CCNJL: variants seen among roughly 807,000 people sequenced by gnomAD.
The protein encoded by CCNJL is cyclin J like, also known as cyclin-J-like protein.
Under a neutral mutation model 33.4 loss-of-function variants are expected in CCNJL, and 33 were observed. The observed-to-expected ratio is 0.99, with a 90% CI of 0.75 to 1.32. The LOEUF is 1.32. CCNJL is among the 40% of genes most tolerant of loss of function. CCNJL has a pLI of 0.00. For missense variants in CCNJL, 512 were observed against 499.7 expected (o/e 1.02, Z -0.23); for synonymous variants, 227 against 220.9 (o/e 1.03, Z -0.24).
chr5:160,324,438 T>C (rs1763510332), intron 1 of CCNJL, among the ~76,000 whole-genome samples: 2 of 152,246 alleles, frequency 1.3e-5, no homozygotes, highest in Admixed American at 1.3e-4. Context: ...CCAGGCGTGG[T>C]GGCGGGCACC....
Position 160,311,978 on chromosome 5 carries a change from T to A in CCNJL, c.-49-6A>T. 1.9e-6 allele frequency: 3 copies of A among 1,543,788 alleles called. No individual in the cohort carries two copies. The highest frequency in any genetic ancestry group is 2.7e-6 in the Non-Finnish European group (3 of 1,116,942). On this transcript the variant is annotated splice_region_variant and splice_polypyrimidine_tract_variant and intron_variant, in intron 1 of 5. Transcript: ENST00000257536. The stretch of plus-strand genomic sequence containing the variant: ...CCCGGCTCTCAGGGCGCACCCTGCG[T>A]GGACACGGGCAACTTCAGCGGCCAG...
Position 160,280,712 on chromosome 5 carries a change from G to A in CCNJL, c.93C>T (p.Ala31=), listed in dbSNP as rs373054799. ...EKELKLPTFR[A]HSPLLKSRRF... The stretch of plus-strand genomic sequence containing the variant: ...GGCGGCTCTTCAGGAGTGGGGAGTG[G>A]GCTCGGAAGGTGGGCAGCTTCAGTT... The change falls in exon 3 of 6, where the codon GCC becomes GCT. Residue 31 remains alanine (A), a synonymous_variant. Transcript: ENST00000257536. 1.9e-6 allele frequency: 3 copies of A among 1,609,642 alleles called. No homozygotes were observed. The highest frequency in any genetic ancestry group is 2.5e-6 in the Non-Finnish European group (3 of 1,178,118).
chr5:160,303,505 C>T (rs553064725), intron 2 of CCNJL, among the ~76,000 whole-genome samples: 30 of 147,552 alleles, frequency 2.0e-4, no homozygotes, highest in African/African-American at 6.3e-4. Context: ...TGCACTCGGC[C>T]GGTATTTTCC....
chr5:160,284,276 C>CAGG (rs766534790), intron 2 of CCNJL, among the ~76,000 whole-genome samples: 89 of 152,224 alleles, frequency 5.8e-4, no homozygotes, highest in Admixed American at 2.4e-3. Context: ...CACTTGAGCA[C>CAGG]AGGAGGAGGA....
intron 3 of CCNJL, among the ~76,000 whole-genome samples, chr5:160,265,320 G>A (rs2113273312): frequency 6.6e-6 from 1 of 152,302 alleles, no homozygotes; most frequent in South Asian, 2.1e-4. Flanking sequence ...TAAAGCCACA[G>A]CTGGCTACTT....
intron 4 of CCNJL, among the ~76,000 whole-genome samples, chr5:160,259,080 C>T (rs773727804): frequency 7.2e-5 from 11 of 152,202 alleles, no homozygotes; most frequent in Non-Finnish European, 1.6e-4. Flanking sequence ...AACAGGGTAA[C>T]TTTTATTGCT....
chr5:160,272,049 A>C (rs542553816), intron 3 of CCNJL, among the ~76,000 whole-genome samples: 1 of 152,314 alleles, frequency 6.6e-6, no homozygotes, highest in East Asian at 1.9e-4. Flanking sequence ...GCTGCTGCCT[A>C]CAATTAGAGC....
intron 1 of CCNJL, among the ~76,000 whole-genome samples, chr5:160,338,019 A>C (rs887544019): frequency 2.0e-5 from 3 of 152,296 alleles, no homozygotes; most frequent in Non-Finnish European, 2.9e-5. Context: ...AATCAAGCAG[A>C]ACTCAGCTGT....
At position 160,253,268 on chromosome 5, in the gene CCNJL, A is replaced by T; in HGVS notation, c.*110T>A. 9.3e-7 allele frequency: 1 copy of T among 1,071,928 alleles called. No homozygotes were observed. The highest frequency in any genetic ancestry group is 1.3e-6 in the Non-Finnish European group (1 of 756,654). 66.4% of individuals were successfully genotyped at this position (1,071,928 alleles called of 1,614,324 possible). On this transcript the variant is annotated 3_prime_UTR_variant, in exon 6 of 6. Coordinates refer to ENST00000257536, the MANE Select transcript of CCNJL (RefSeq NM_001308173.3). ...AGGAGCACAGACCCTCCACGTTCCA[A>T]GGCTCTTCAGGGATGGCCTCCTGCT...
chr5:160,289,273 C>A (rs2113383662), intron 2 of CCNJL, among the ~76,000 whole-genome samples: 1 of 152,312 alleles, frequency 6.6e-6, no homozygotes, highest in Admixed American at 6.5e-5. Context: ...AGCTGCTTTT[C>A]TCTCCTGCCC....
chr5:160,280,359 A>AAAAAATGTTGCATCT (rs1302894915), intron 3 of CCNJL, among the ~76,000 whole-genome samples, 166 bp downstream of exon 3: 1 of 152,188 alleles, frequency 6.6e-6, no homozygotes, highest in African/African-American at 2.4e-5. Context: ...TAAAGATGCT[A>AAAAAATGTTGCATCT]AAAAATGTTG....
In CCNJL at chr5:160,271,429, G is replaced by A. The variant is rs369689804; in HGVS notation, c.280+9096C>T. Among the ~76,000 whole-genome samples, 12 of 152,208 alleles carry A rather than the reference G, an allele frequency of 7.9e-5. No individual in the cohort carries two copies. The East Asian group carries it at 2.3e-3, about 29-fold the overall frequency. On this transcript the variant is annotated intron_variant, in intron 3 of 5. Coordinates refer to ENST00000257536, the MANE Select transcript of CCNJL (RefSeq NM_001308173.3). ...AGGCCCTGGACAAACAGGTCTGGGT[G>A]TTAAACTTGCTAAGGCAAATTGAAC...
In CCNJL at chr5:160,262,408, C is replaced by G. The variant is rs78589956; in HGVS notation, c.281-2637G>C. Among the ~76,000 whole-genome samples, 183 of 152,376 alleles carry G rather than the reference C, an allele frequency of 1.2e-3. 1 individual carries two copies. The highest frequency in any genetic ancestry group is 4.1e-3 in the African/African-American group (170 of 41,594). ...CTGATTTCACCTGCTCCCTCTGCTT[C>G]CTGGGAACGCACACGGCAGGCCACA... On this transcript the variant is annotated intron_variant, in intron 3 of 5. Coordinates refer to ENST00000257536, the MANE Select transcript of CCNJL (RefSeq NM_001308173.3).
chr5:160,269,875 C>G (rs930044189), intron 3 of CCNJL, among the ~76,000 whole-genome samples: 9 of 152,208 alleles, frequency 5.9e-5, no homozygotes, highest in African/African-American at 2.2e-4. Context: ...CACATCCGAG[C>G]TGTATGCTTT....
rs778551885 is a variant in CCNJL at position 160,253,561 on chromosome 5, G to A, written c.981C>T (p.Gly327=). The change falls in exon 6 of 6, where the codon GGC becomes GGT. Residue 327 remains glycine, a synonymous_variant. Coordinates refer to ENST00000257536, the MANE Select transcript of CCNJL (RefSeq NM_001308173.3). ...GTTGGTACGGGGTGTGGAGGGATGA[G>A]CCTGTACTCCCCGAGAGCAGGCTCC... The part of the protein sequence containing the change: ...RSGSLLSGST[G]SSLHTPYQPL... 2 of 1,614,176 alleles carry A rather than the reference G, an allele frequency of 1.2e-6. No individual in the cohort carries two copies. Among genetic ancestry groups the A allele is most frequent in the Non-Finnish European group, 1.7e-6 (2 of 1,180,008 alleles).
At chr5:160,281,165 T>C (rs1762198088) in intron 2 of CCNJL, among the ~76,000 whole-genome samples, 1 of 152,206 alleles carries the variant, frequency 6.6e-6, no homozygotes, top group African/African-American at 2.4e-5. Context: ...ATCACCTTTG[T>C]TTCCTCCTCG....
At chr5:160,328,952 G>A (rs535074551) in intron 1 of CCNJL, among the ~76,000 whole-genome samples, 1 of 152,104 alleles carries the variant, frequency 6.6e-6, no homozygotes, top group Non-Finnish European at 1.5e-5. Context: ...GAAAGATTGA[G>A]TAACTTATCC....
intron 1 of CCNJL, 133 bp from the exon 2 acceptor site, chr5:160,312,105 G>T (rs1763284301): frequency 3.3e-6 from 2 of 613,700 alleles, no homozygotes; most frequent in Non-Finnish European, 5.8e-6. Context: ...GGAGCTGGAG[G>T]TCGCCTCTGG....
chr5:160,319,707 G>A (rs937049523), intron 1 of CCNJL, among the ~76,000 whole-genome samples: 2 of 152,192 alleles, frequency 1.3e-5, no homozygotes, highest in Non-Finnish European at 2.9e-5. Flanking sequence ...GAGGTGGGAG[G>A]ATCACCTGAG....
Sources: gnomAD v4.1 joint callset for allele counts (sites outside exome capture counted in the v4.1 genomes callset) on GRCh38, gnomAD v4.1.1 for gene constraint, MANE v1.5 for transcripts, NCBI Gene and HGNC (gene_info 2026-07-23, HGNC 2026-07-21) for gene names.